The following KIAA1217 variants were observed in gnomAD, a reference collection of about 807,000 sequenced individuals.
The protein encoded by KIAA1217 is sickle tail protein homolog.
Under a neutral mutation model 163.9 loss-of-function variants are expected in KIAA1217, and 88 were observed. The ratio of observed to expected loss-of-function variants is 0.54; its 90% CI spans 0.45 to 0.64. KIAA1217 has a LOEUF of 0.64. Ranked by LOEUF, KIAA1217 falls within the 30% of genes least tolerant of loss-of-function variation. The pLI, the probability that KIAA1217 is intolerant of heterozygous loss-of-function variation, is 0.00. For missense variants in KIAA1217, 2,372 were observed against 2,475.0 expected, an observed-to-expected ratio of 0.96 and a Z score of 0.88; for synonymous variants, 903 against 923.1, an observed-to-expected ratio of 0.98 and a Z score of 0.39.
chr10:24,386,268 G>C (rs183124886), intron 3 of KIAA1217, among the ~76,000 whole-genome samples: 87 of 152,298 alleles, frequency 5.7e-4, no homozygotes, highest in African/African-American at 2.0e-3. Context: ...CTGGTTAGAG[G>C]GAGAAGTTCC....
intron 1 of KIAA1217, among the ~76,000 whole-genome samples, chr10:24,005,910 G>A (rs563817753): frequency 6.6e-6 from 1 of 152,232 alleles, no homozygotes; most frequent in Admixed American, 6.5e-5. Context: ...GATTAGCAGA[G>A]CTGGGACCCT....
At chr10:23,880,890 C>T (rs1320537393) in intron 1 of KIAA1217, among the ~76,000 whole-genome samples, 2 of 151,930 alleles carry the variant, frequency 1.3e-5, no homozygotes, top group African/African-American at 4.8e-5. Context: ...CAGCCACATT[C>T]GGCTGCTTGC....
chr10:24,091,489 A>G (rs2061936706), intron 2 of KIAA1217, among the ~76,000 whole-genome samples: 1 of 151,858 alleles, frequency 6.6e-6, no homozygotes, highest in Non-Finnish European at 1.5e-5. Flanking sequence ...GATCTCTAGC[A>G]AGGAAATGTG....
upstream of KIAA1217, among the ~76,000 whole-genome samples, chr10:24,203,831 G>T (rs1017894132): frequency 3.3e-5 from 5 of 152,100 alleles, no homozygotes; most frequent in African/African-American, 1.2e-4. Flanking sequence ...GCAGATACAT[G>T]TTACACTTTT....
At chr10:23,850,960 C>T (rs1458310491) in intron 1 of KIAA1217, among the ~76,000 whole-genome samples, 2 of 152,072 alleles carry the variant, frequency 1.3e-5, no homozygotes, top group Non-Finnish European at 2.9e-5. Flanking sequence ...AATCCACCCC[C>T]ATGATCCAGT....
intron 7 of KIAA1217, 160 bp from the exon 8 acceptor site, chr10:24,494,987 C>A: frequency 1.6e-6 from 1 of 637,556 alleles, no homozygotes; most frequent in Non-Finnish European, 2.7e-6. Context: ...CCTGGGAAGC[C>A]TTTTCCATCC....
chr10:23,789,868 T>C (rs893898450), intron 1 of KIAA1217, among the ~76,000 whole-genome samples: 1 of 150,204 alleles, frequency 6.7e-6, no homozygotes, highest in East Asian at 2.0e-4. Context: ...TGAAAATAGT[T>C]CCCTTCATAT....
intron 2 of KIAA1217, among the ~76,000 whole-genome samples, chr10:24,353,926 A>G (rs76794024): frequency 0.015 from 2,247 of 152,334 alleles, 24 homozygotes; most frequent in Non-Finnish European, 0.022. Context: ...ATATTCCTCC[A>G]GCTGGCAGAG....
intron 1 of KIAA1217, among the ~76,000 whole-genome samples, chr10:23,874,861 T>C (rs898418382): frequency 6.6e-6 from 1 of 151,944 alleles, no homozygotes; most frequent in Non-Finnish European, 1.5e-5. Flanking sequence ...TGAGGCTGAG[T>C]AATTTATAAG....
intron 5 of KIAA1217, among the ~76,000 whole-genome samples, chr10:24,469,855 G>A (rs961156588): frequency 9.9e-5 from 15 of 152,066 alleles, no homozygotes; most frequent in Non-Finnish European, 1.3e-4. Flanking sequence ...CAAGTGATCC[G>A]CCTGCCTCGG....
intron 1 of KIAA1217, among the ~76,000 whole-genome samples, chr10:23,788,927 G>A (rs188926736): frequency 3.5e-4 from 53 of 152,246 alleles, no homozygotes; most frequent in Non-Finnish European, 5.7e-4. Context: ...CATAGAACTC[G>A]GTGACCTTAA....
At chr10:24,125,320 CTCTGTGTGTG>C (rs1216937558) in intron 2 of KIAA1217, among the ~76,000 whole-genome samples, 23 of 92,256 alleles carry the variant, frequency 2.5e-4, no homozygotes, top group African/African-American at 1.0e-3. Context: ...GAATCCTATG[CTCTGTGTGTG>C]TGTGTGTGTG....
chr10:23,868,194 T>G (rs1414198577), intron 1 of KIAA1217, among the ~76,000 whole-genome samples: 1 of 152,086 alleles, frequency 6.6e-6, no homozygotes, highest in Non-Finnish European at 1.5e-5. Flanking sequence ...TTTGTCTTTG[T>G]GTTGCTTTTT....
intron 2 of KIAA1217, among the ~76,000 whole-genome samples, chr10:24,169,562 A>G (rs1292323874): frequency 6.6e-6 from 1 of 152,210 alleles, no homozygotes; most frequent in Non-Finnish European, 1.5e-5. Context: ...TATCCAATAA[A>G]TTAAAAATTC....
rs1003281426 is a variant in KIAA1217 at position 23,790,565 on chromosome 10, G to A, written c.-321+95331G>A. ...TGTGCATATATACATATGTACATAT[G>A]TATATATACATATGTATATGTACAT... On this transcript the variant is annotated intron_variant, in intron 1 of 18. Transcript: ENST00000376462. Among the ~76,000 whole-genome samples the A allele has an allele frequency of 1.0e-3, 73 of 71,938 alleles. 6 individuals carry two copies. The highest frequency in any genetic ancestry group is 6.5e-3 in the African/African-American group (68 of 10,426). 47.2% of individuals were successfully genotyped at this position (71,938 alleles called of 152,430 possible). A position where few individuals can be genotyped will look rare whatever the true frequency, so the allele number is the denominator to read the frequency against.
chr10:24,506,025 C>T (rs528418883), intron 9 of KIAA1217, among the ~76,000 whole-genome samples: 9 of 152,124 alleles, frequency 5.9e-5, no homozygotes, highest in East Asian at 5.8e-4. Context: ...AAATAATAAA[C>T]GGAACTAGTA....
intron 1 of KIAA1217, among the ~76,000 whole-genome samples, chr10:23,924,665 G>T (rs1349395374): frequency 6.6e-6 from 1 of 152,136 alleles, no homozygotes; most frequent in Non-Finnish European, 1.5e-5. Flanking sequence ...CAAATTTCAT[G>T]CCTCCAGCGC....
chr10:24,195,377 G>C (rs560033240), intron 2 of KIAA1217, among the ~76,000 whole-genome samples: 8 of 152,258 alleles, frequency 5.3e-5, no homozygotes, highest in African/African-American at 1.9e-4. Flanking sequence ...TCCAGCTGAA[G>C]CCCAAATCAT....
chr10:24,460,089 C>A (rs1246833023), intron 5 of KIAA1217, among the ~76,000 whole-genome samples: 1 of 152,192 alleles, frequency 6.6e-6, no homozygotes, highest in African/African-American at 2.4e-5. Context: ...GGCCTGGCCC[C>A]AAAACTAGCA....
Sources: gnomAD v4.1 joint callset for allele counts (sites outside exome capture counted in the v4.1 genomes callset) on GRCh38, gnomAD v4.1.1 for gene constraint, MANE v1.5 for transcripts, NCBI Gene and HGNC (gene_info 2026-07-23, HGNC 2026-07-21) for gene names.